Variants in NAV2 observed in about 807,000 individuals in gnomAD.
NAV2 encodes helicase, APC down-regulated 1.
NAV2 carries 54 observed loss-of-function variants against 223.2 expected under a neutral mutation model. The observed-to-expected ratio is 0.24, with a 90% CI of 0.19 to 0.30. NAV2 has a LOEUF of 0.30. NAV2 is among the 10% of genes least tolerant of loss of function. NAV2 has a pLI of 1.00. For synonymous variants in NAV2, 1,279 were observed against 1,239.3 expected, an observed-to-expected ratio of 1.03 and a Z score of -0.67; for missense variants, 2,806 against 3,147.5, an observed-to-expected ratio of 0.89 and a Z score of 2.60.
chr11:20,099,738 T>C (rs2061500812), intron 31 of NAV2, among the ~76,000 whole-genome samples: 1 of 152,202 alleles, frequency 6.6e-6, no homozygotes, highest in Admixed American at 6.5e-5. Flanking sequence ...AAGTGAGCTC[T>C]TGTGCAAAAT....
chr11:19,465,383 C>T (rs995056339), intron 1 of NAV2, among the ~76,000 whole-genome samples: 1 of 152,192 alleles, frequency 6.6e-6, no homozygotes, highest in Admixed American at 6.5e-5. Flanking sequence ...CAGATCTTAA[C>T]TTTTTCTTTT....
chr11:19,999,100 A>C (rs1404693519), intron 11 of NAV2, among the ~76,000 whole-genome samples: 1 of 152,242 alleles, frequency 6.6e-6, no homozygotes, highest in Non-Finnish European at 1.5e-5. Flanking sequence ...TTCTGGTGCC[A>C]ACCAACCAGA....
In NAV2 at chr11:19,760,448, G is replaced by C. The variant is rs564756774; in HGVS notation, c.267+46486G>C. ...CCTCCTGGCTTCAGGGGAGAATGCA[G>C]GCATGTTGCAGGAAAACAGAAGAAC... On this transcript the variant is annotated intron_variant, in intron 1 of 37. Transcript: ENST00000349880. 3.9e-5 allele frequency among the ~76,000 whole-genome samples: 6 copies of C among 152,284 alleles called. No individual in the cohort carries two copies. The East Asian group carries it at 1.2e-3, about 29-fold the overall frequency.
chr11:19,675,851 A>T (rs549867614), intron 1 of NAV2, among the ~76,000 whole-genome samples: 118 of 152,354 alleles, frequency 7.7e-4, no homozygotes, highest in South Asian at 2.5e-3. Flanking sequence ...AGTATAATTA[A>T]TAATAATATC....
intron 1 of NAV2, among the ~76,000 whole-genome samples, chr11:19,821,248 C>T (rs1258242967): frequency 3.5e-5 from 4 of 114,246 alleles, no homozygotes; most frequent in Admixed American, 1.1e-4. Flanking sequence ...GGCGACAGAG[C>T]GAGACTCTGT....
chr11:19,571,736 A>G (rs1195366517), intron 1 of NAV2, among the ~76,000 whole-genome samples: 1 of 152,150 alleles, frequency 6.6e-6, no homozygotes, highest in Non-Finnish European at 1.5e-5. Context: ...GAAAAGTTTA[A>G]TTTTATGTTA....
intron 3 of NAV2, among the ~76,000 whole-genome samples, chr11:19,854,599 C>T (rs948371691): frequency 2.6e-5 from 4 of 152,120 alleles, no homozygotes; most frequent in African/African-American, 9.7e-5. Context: ...ACCCGTTTTA[C>T]TCATTTGTTA....
At chr11:19,957,653 C>G (rs2047992929) in intron 10 of NAV2, among the ~76,000 whole-genome samples, 2 of 152,186 alleles carry the variant, frequency 1.3e-5, no homozygotes, top group Non-Finnish European at 2.9e-5. Context: ...GGTAGGCAGT[C>G]TCATCAGAGG....
At chr11:19,819,589 G>T (rs2059271969) in intron 1 of NAV2, among the ~76,000 whole-genome samples, 1 of 152,192 alleles carries the variant, frequency 6.6e-6, no homozygotes, top group Non-Finnish European at 1.5e-5. Flanking sequence ...GGTTAGAGTA[G>T]CATGGAACTG....
intron 1 of NAV2, among the ~76,000 whole-genome samples, chr11:19,461,559 T>C (rs1182620098): frequency 6.6e-6 from 1 of 152,200 alleles, no homozygotes; most frequent in Admixed American, 6.5e-5. Context: ...GAGAACCTGG[T>C]ATGCAACAGC....
chr11:19,862,723 CAT>C (rs1207571773), intron 3 of NAV2, among the ~76,000 whole-genome samples: 2 of 152,110 alleles, frequency 1.3e-5, no homozygotes, highest in African/African-American at 2.4e-5. Context: ...CTGCATAAGA[CAT>C]GTGATCTTGT....
At chr11:19,635,709 A>C (rs1248598676) in intron 1 of NAV2, among the ~76,000 whole-genome samples, 1 of 152,218 alleles carries the variant, frequency 6.6e-6, no homozygotes, top group African/African-American at 2.4e-5. Context: ...TGAGAGCGAG[A>C]ACTCACCTAC....
At chr11:20,016,641 G>C (rs1027330036) in intron 11 of NAV2, among the ~76,000 whole-genome samples, 2 of 152,174 alleles carry the variant, frequency 1.3e-5, no homozygotes, top group Admixed American at 1.3e-4. Flanking sequence ...CACAATCTGG[G>C]TAAATGCAAA....
intron 11 of NAV2, among the ~76,000 whole-genome samples, chr11:19,997,982 A>G (rs777277734): frequency 6.6e-6 from 1 of 152,082 alleles, no homozygotes; most frequent in Non-Finnish European, 1.5e-5. Context: ...GTAGCCCTTA[A>G]CATGCCTTTG....
intron 5 of NAV2, among the ~76,000 whole-genome samples, chr11:19,888,343 C>G (rs959721628): frequency 2.0e-5 from 3 of 152,046 alleles, no homozygotes; most frequent in Non-Finnish European, 4.4e-5. Flanking sequence ...GAGGCAGGCC[C>G]AGTAGGCAGC....
At chr11:19,365,350 G>A (rs1848240358) in intron 1 of NAV2, among the ~76,000 whole-genome samples, 1 of 151,958 alleles carries the variant, frequency 6.6e-6, no homozygotes, top group African/African-American at 2.4e-5. Flanking sequence ...TTTCCTACCC[G>A]ATACATCATT....
intron 1 of NAV2, among the ~76,000 whole-genome samples, chr11:19,664,620 G>A (rs2048363308): frequency 6.6e-6 from 1 of 152,202 alleles, no homozygotes; most frequent in Non-Finnish European, 1.5e-5. Flanking sequence ...AGCAAGCCTT[G>A]TAAAGGGGTA....
intron 1 of NAV2, among the ~76,000 whole-genome samples, chr11:19,474,316 G>T (rs2042053485): frequency 6.6e-6 from 1 of 152,192 alleles, no homozygotes; most frequent in Admixed American, 6.5e-5. Context: ...CCATAGTGAG[G>T]CTGTATTTTG....
intron 1 of NAV2, among the ~76,000 whole-genome samples, chr11:19,477,834 G>T (rs190329906): frequency 3.0e-4 from 45 of 152,304 alleles, no homozygotes; most frequent in Non-Finnish European, 4.3e-4. Flanking sequence ...ATTGCCTGAA[G>T]TTTCTCAGCC....
Sources: gnomAD v4.1 joint callset for allele counts (sites outside exome capture counted in the v4.1 genomes callset) on GRCh38, gnomAD v4.1.1 for gene constraint, MANE v1.5 for transcripts, NCBI Gene and HGNC (gene_info 2026-07-23, HGNC 2026-07-21) for gene names.